Variants in CTNNA3 observed in about 807,000 individuals in gnomAD.
CTNNA3 encodes the protein catenin alpha-3.
In CTNNA3, 76 loss-of-function variants were observed where a neutral mutation model predicts 95.7. That is an observed-to-expected ratio of 0.79 (90% CI 0.66 to 0.96). The LOEUF is 0.96. Ranked by LOEUF, CTNNA3 falls within the 40% of genes least tolerant of loss-of-function variation. The probability of loss-of-function intolerance (pLI) is 0.00; values close to 1 mark genes in which losing one functional copy is unlikely to be tolerated. For synonymous variants in CTNNA3, 431 were observed against 374.4 expected, an observed-to-expected ratio of 1.15 and a Z score of -1.74; for missense variants, 1,191 against 1,089.8, an observed-to-expected ratio of 1.09 and a Z score of -1.31.
At chr10:66,475,724 C>A (rs547795690) in intron 11 of CTNNA3, among the ~76,000 whole-genome samples, 2 of 151,792 alleles carry the variant, frequency 1.3e-5, no homozygotes, top group African/African-American at 4.8e-5. Flanking sequence ...AAGATGCTGG[C>A]GAGGCTATGG....
At chr10:66,528,941 A>C (rs1564513908) in intron 10 of CTNNA3, among the ~76,000 whole-genome samples, 1 of 152,128 alleles carries the variant, frequency 6.6e-6, no homozygotes, top group South Asian at 2.1e-4. Context: ...TGTATCTGAC[A>C]CATCATTTAT....
chr10:67,035,551 T>G (rs1410749381), intron 7 of CTNNA3, among the ~76,000 whole-genome samples: 2 of 152,184 alleles, frequency 1.3e-5, no homozygotes, highest in African/African-American at 4.8e-5. Flanking sequence ...AAATTCTAAC[T>G]CGGAGAACTT....
At chr10:66,503,657 C>T (rs1472619715) in intron 11 of CTNNA3, among the ~76,000 whole-genome samples, 4 of 151,904 alleles carry the variant, frequency 2.6e-5, no homozygotes, top group African/African-American at 4.8e-5. Context: ...TTAGTAGAGA[C>T]GGGGTTTCAC....
At chr10:66,587,133 T>C (rs1015495265) in intron 10 of CTNNA3, among the ~76,000 whole-genome samples, 3 of 152,054 alleles carry the variant, frequency 2.0e-5, no homozygotes, top group Non-Finnish European at 4.4e-5. Context: ...ATAGCTTTAG[T>C]GTTTTGGTTT....
At chr10:66,868,319 C>T (rs533068591) in intron 7 of CTNNA3, among the ~76,000 whole-genome samples, 42 of 150,964 alleles carry the variant, frequency 2.8e-4, no homozygotes, top group Non-Finnish European at 4.6e-4. Context: ...GAACCGAGAT[C>T]GCGCCATTGC....
chr10:67,591,755 A>G (rs929419607), intron 3 of CTNNA3, among the ~76,000 whole-genome samples: 3 of 152,150 alleles, frequency 2.0e-5, no homozygotes, highest in African/African-American at 7.2e-5. Flanking sequence ...AGAAGAAGAA[A>G]AGGGATATCT....
chr10:66,951,039 G>A (rs1041695905), intron 7 of CTNNA3, among the ~76,000 whole-genome samples: 1 of 151,350 alleles, frequency 6.6e-6, no homozygotes, highest in African/African-American at 2.4e-5. Flanking sequence ...TTGCCTTGCT[G>A]CACTGTATTT....
rs564621228 is a variant in CTNNA3, at chr10:66,301,944, T to A, written c.1733-21323A>T. On this transcript the variant is annotated intron_variant, in intron 12 of 17. Transcript: ENST00000433211. ...TGTCTATATAGAAAATAGCAAAGAA[T>A]CAATTTAAAAAGTCCTGGAACTAAT... Among the ~76,000 whole-genome samples, 3 of 152,154 alleles carry A rather than the reference T, an allele frequency of 2.0e-5. No homozygotes were observed. In the South Asian group the frequency reaches 6.2e-4, roughly 32 times the overall value.
At chr10:66,698,494 A>C (rs543724709) in intron 9 of CTNNA3, among the ~76,000 whole-genome samples, 1 of 152,214 alleles carries the variant, frequency 6.6e-6, no homozygotes, top group Admixed American at 6.5e-5. Flanking sequence ...TTACAAAAAA[A>C]TGTTAAGTGG....
intron 5 of CTNNA3, among the ~76,000 whole-genome samples, chr10:67,453,545 G>A (rs1431908006): frequency 6.6e-6 from 1 of 152,202 alleles, no homozygotes; most frequent in African/African-American, 2.4e-5. Flanking sequence ...ACACTGCAAG[G>A]TATTTCCAGC....
At chr10:67,560,021 T>A (rs1348593907) in intron 3 of CTNNA3, among the ~76,000 whole-genome samples, 1 of 152,122 alleles carries the variant, frequency 6.6e-6, no homozygotes, top group East Asian at 1.9e-4. Context: ...TTGGTGTACC[T>A]GAAAGTGATG....
intron 7 of CTNNA3, among the ~76,000 whole-genome samples, chr10:67,000,413 C>A (rs1321419639): frequency 1.3e-5 from 2 of 152,042 alleles, no homozygotes; most frequent in Admixed American, 1.3e-4. Flanking sequence ...GAAATGAAAC[C>A]GATCTACTTA....
chr10:66,675,550 A>T (rs542840763), intron 9 of CTNNA3, among the ~76,000 whole-genome samples: 4 of 152,258 alleles, frequency 2.6e-5, no homozygotes, highest in Non-Finnish European at 2.9e-5. Context: ...CAAAGTAAAT[A>T]GCTGTCAACA....
At chr10:67,030,748 G>A (rs1272896517) in intron 7 of CTNNA3, among the ~76,000 whole-genome samples, 1 of 152,174 alleles carries the variant, frequency 6.6e-6, no homozygotes, top group African/African-American at 2.4e-5. Flanking sequence ...GCTCACGCCT[G>A]TGATCCCAGC....
Position 67,508,328 on chromosome 10 carries a change from AC to A in CTNNA3, c.579+13513del, listed in dbSNP as rs1349523232. 3.3e-5 allele frequency among the ~76,000 whole-genome samples: 5 copies of A among 152,248 alleles called. No individual in the cohort carries two copies. The East Asian group carries it at 9.7e-4, about 29-fold the overall frequency. On this transcript the variant is annotated intron_variant, in intron 5 of 17. Transcript: ENST00000433211. Reference sequence around the variant, plus strand: ...TGCCTAGCAGAAGGAATGTATTTCAACACAATAAAGGCCGTATTTCACAAGC... The same window carrying A: ...TGCCTAGCAGAAGGAATGTATTTCAAACAATAAAGGCCGTATTTCACAAGC...
chr10:66,505,704 T>A (rs568379755), intron 11 of CTNNA3, among the ~76,000 whole-genome samples: 1 of 152,092 alleles, frequency 6.6e-6, no homozygotes, highest in Admixed American at 6.5e-5. Context: ...TTTTTGGAGA[T>A]AGAATGGAGA....
intron 9 of CTNNA3, among the ~76,000 whole-genome samples, chr10:66,701,042 A>G (rs1224993976): frequency 6.6e-6 from 1 of 152,142 alleles, no homozygotes; most frequent in Non-Finnish European, 1.5e-5. Context: ...GTACAATTTG[A>G]TAAATTTTTG....
At chr10:66,040,734 G>A (rs890182237) in intron 15 of CTNNA3, among the ~76,000 whole-genome samples, 1 of 152,182 alleles carries the variant, frequency 6.6e-6, no homozygotes, top group Non-Finnish European at 1.5e-5. Context: ...GGAGGGTGGA[G>A]GTTGGGAGGA....
At chr10:67,156,271 T>A (rs2132077572) in intron 7 of CTNNA3, among the ~76,000 whole-genome samples, 1 of 152,174 alleles carries the variant, frequency 6.6e-6, no homozygotes, top group South Asian at 2.1e-4. Context: ...TTTTCTATGT[T>A]CTCTTGTATT....
Sources: gnomAD v4.1 joint callset for allele counts (sites outside exome capture counted in the v4.1 genomes callset) on GRCh38, gnomAD v4.1.1 for gene constraint, MANE v1.5 for transcripts, NCBI Gene and HGNC (gene_info 2026-07-23, HGNC 2026-07-21) for gene names.